Variants in KIF13A observed in about 807,000 individuals in gnomAD.
KIF13A encodes kinesin-like protein KIF13A.
In KIF13A, 79 loss-of-function variants were observed where a neutral mutation model predicts 212.2. The ratio of observed to expected loss-of-function variants is 0.37; its 90% CI spans 0.31 to 0.45. The LOEUF is 0.45. Among genes scored for constraint, KIF13A ranks in the 20% least tolerant of loss-of-function variants. The pLI is 1.00. For missense variants in KIF13A, 1,901 were observed against 2,209.0 expected (o/e 0.86, Z 2.79); for synonymous variants, 789 against 808.6 (o/e 0.98, Z 0.41).
At chr6:17,779,137 G>C in intron 32 of KIF13A, 38 bp from the exon 33 acceptor site, 1 of 1,582,398 alleles carries the variant, frequency 6.3e-7, no homozygotes, top group Non-Finnish European at 8.7e-7. Flanking sequence ...ACTTTGATGT[G>C]AACAACGTTT....
chr6:17,852,822 G>A (rs1384903738), intron 6 of KIF13A, among the ~76,000 whole-genome samples: 1 of 152,198 alleles, frequency 6.6e-6, no homozygotes, highest in Non-Finnish European at 1.5e-5. Flanking sequence ...TATACAGAAA[G>A]TGAGATTATA....
intron 2 of KIF13A, chr6:17,950,932 C>G (rs560230633): frequency 1.0e-6 from 1 of 977,338 alleles, no homozygotes; most frequent in South Asian, 4.7e-5. Context: ...TCTCTAATTA[C>G]TAAAGGACTT....
At position 17,764,189 on chromosome 6, in the gene KIF13A, G is replaced by A. The variant is rs1045600266; in HGVS notation, c.5339C>T (p.Pro1780Leu). 11 of 1,613,994 alleles carry A rather than the reference G, an allele frequency of 6.8e-6. No homozygotes were observed. In the African/African-American group the frequency reaches 1.3e-4, roughly 20 times the overall value. The change falls in exon 39 of 39, where the codon CCC (proline) becomes CTC (leucine). Residue 1780 changes from proline (P) to leucine (L), a missense_variant. Transcript: ENST00000259711. The surrounding 1 kb of genome is among the most constrained non-coding windows in gnomAD (Gnocchi z 5.1). The stretch of plus-strand genomic sequence containing the variant: ...CTCTAACTTGGAATGCAGCTGGCTG[G>A]GGTGGTGGAGCCCATCGGAGACAGT... ...GKTVSDGLHH[P>L]SQLHSKLEND...
chr6:17,771,092 C>A lies in KIF13A; in HGVS notation c.4581+22G>T. Reference sequence around the variant, plus strand: ...TTAAACCCACCACCAGGCAATATGACAGAAATGGTTCCGGAACTTACAATC... The same window carrying A: ...TTAAACCCACCACCAGGCAATATGAAAGAAATGGTTCCGGAACTTACAATC... On this transcript the variant is annotated intron_variant, in intron 38 of 38. Coordinates refer to ENST00000259711, the MANE Select transcript of KIF13A (RefSeq NM_022113.6). This position sits in a 1 kb window ranked among gnomAD's most constrained non-coding sequence, Gnocchi z 5.4. 2 of 1,534,634 alleles carry A rather than the reference C, an allele frequency of 1.3e-6. No homozygotes were observed. Among genetic ancestry groups the A allele is most frequent in the Non-Finnish European group, 1.8e-6 (2 of 1,113,358 alleles).
intron 2 of KIF13A, among the ~76,000 whole-genome samples, chr6:17,924,231 A>G (rs1280877335): frequency 6.6e-6 from 1 of 152,194 alleles, no homozygotes; most frequent in African/African-American, 2.4e-5. Flanking sequence ...AGCCACTTAC[A>G]CAGATTCCAG....
At chr6:17,928,406 T>C (rs2150531568) in intron 2 of KIF13A, among the ~76,000 whole-genome samples, 1 of 152,246 alleles carries the variant, frequency 6.6e-6, no homozygotes, top group East Asian at 1.9e-4. Flanking sequence ...CCTAAGGTGG[T>C]GGTGTCAGTG....
At chr6:17,923,533 T>C (rs1350978606) in intron 2 of KIF13A, among the ~76,000 whole-genome samples, 1 of 149,876 alleles carries the variant, frequency 6.7e-6, no homozygotes, top group East Asian at 1.9e-4. Context: ...TCCCTGGGTT[T>C]GGTTTTTTTT....
chr6:17,915,017 C>T lies in KIF13A; in HGVS notation c.147-16837G>A, dbSNP rs931776548. ...CTGATGGACTCATACATTTAACTAC[C>T]TGGTTTTGGTTTTATTTCCAAGATT... On this transcript the variant is annotated intron_variant, in intron 2 of 38. Coordinates refer to ENST00000259711, the MANE Select transcript of KIF13A (RefSeq NM_022113.6). This position sits in a 1 kb window ranked among gnomAD's most constrained non-coding sequence, Gnocchi z 4.4. 6.6e-6 allele frequency among the ~76,000 whole-genome samples: 1 copy of T among 152,144 alleles called. No homozygotes were observed. Among genetic ancestry groups the T allele is most frequent in the Non-Finnish European group, 1.5e-5 (1 of 68,028 alleles).
rs1279818515 is a variant in KIF13A, at chr6:17,849,290, G to C, written c.830+87C>G. Reference sequence around the variant, plus strand: ...AAGCTATACAGACTTTAAACAACCTGTACATCAGAACCATCTGACCCTCAT... The same window carrying C: ...AAGCTATACAGACTTTAAACAACCTCTACATCAGAACCATCTGACCCTCAT... On this transcript the variant is annotated intron_variant, in intron 9 of 38. Coordinates refer to ENST00000259711, the MANE Select transcript of KIF13A (RefSeq NM_022113.6). The surrounding 1 kb of genome is among the most constrained non-coding windows in gnomAD (Gnocchi z 5.7). 1 of 868,440 alleles carries C rather than the reference G, an allele frequency of 1.2e-6. No individual in the cohort carries two copies. The highest frequency in any genetic ancestry group is 1.8e-6 in the Non-Finnish European group (1 of 548,792). 53.8% of individuals were successfully genotyped at this position (868,440 alleles called of 1,614,324 possible). A position where few individuals can be genotyped will look rare whatever the true frequency, so the allele number is the denominator to read the frequency against.
chr6:17,771,759 C>T lies in KIF13A; in HGVS notation c.4476+149G>A. ...AGAGATTCTACCATGACTCTGCATG[C>T]TTGAGAAAGAGGAATTCGAGAACGG... On this transcript the variant is annotated intron_variant, in intron 37 of 38. Coordinates refer to ENST00000259711, the MANE Select transcript of KIF13A (RefSeq NM_022113.6). The surrounding 1 kb of genome is among the most constrained non-coding windows in gnomAD (Gnocchi z 5.4). 1 of 678,128 alleles carries T rather than the reference C, an allele frequency of 1.5e-6. No individual in the cohort carries two copies. Among genetic ancestry groups the T allele is most frequent in the East Asian group, 2.5e-5 (1 of 40,160 alleles). 42.0% of individuals were successfully genotyped at this position (678,128 alleles called of 1,614,324 possible).
chr6:17,981,877 A>T (rs1396790979), intron 2 of KIF13A, among the ~76,000 whole-genome samples: 1 of 152,136 alleles, frequency 6.6e-6, no homozygotes, highest in Non-Finnish European at 1.5e-5. Context: ...ATTATGTATG[A>T]CTTTCACTAA....
chr6:17,873,047 G>A (rs73371180), intron 4 of KIF13A, among the ~76,000 whole-genome samples: 1,642 of 152,250 alleles, frequency 0.011, 21 homozygotes, highest in African/African-American at 0.038. Flanking sequence ...TGGAACTAAA[G>A]CAATTGTGAC....
intron 2 of KIF13A, among the ~76,000 whole-genome samples, chr6:17,962,847 C>G (rs1395710925): frequency 6.6e-6 from 1 of 152,146 alleles, no homozygotes; most frequent in African/African-American, 2.4e-5. Context: ...AATTTTATTT[C>G]TCCAATTAGT....
At chr6:17,962,419 A>G (rs1298992274) in intron 2 of KIF13A, among the ~76,000 whole-genome samples, 2 of 152,350 alleles carry the variant, frequency 1.3e-5, no homozygotes, top group African/African-American at 2.4e-5. Flanking sequence ...GCAATAAGTC[A>G]TAAGGGAGAC....
At chr6:17,870,821 G>C (rs931889659) in intron 4 of KIF13A, among the ~76,000 whole-genome samples, 5 of 151,964 alleles carry the variant, frequency 3.3e-5, no homozygotes, top group African/African-American at 4.8e-5. Context: ...TTACCACCAT[G>C]GCTCTGTATC....
Position 17,785,699 on chromosome 6 carries a change from T to A in KIF13A, c.3362-58A>T. The A allele has an allele frequency of 6.4e-7, 1 of 1,558,412 alleles. No homozygotes were observed. Among genetic ancestry groups the A allele is most frequent in the Non-Finnish European group, 8.7e-7 (1 of 1,148,322 alleles). ...AAGAGAGAAAGTATGACTTCTCAGT[T>A]TACAAGGAATAGATTTCAGCCTGGG... On this transcript the variant is annotated intron_variant, in intron 27 of 38. Transcript: ENST00000259711. This position sits in a 1 kb window ranked among gnomAD's most constrained non-coding sequence, Gnocchi z 5.8.
At position 17,789,112 on chromosome 6, in the gene KIF13A, G is replaced by A. The variant is rs1021260839; in HGVS notation, c.3261+760C>T. 1.3e-5 allele frequency among the ~76,000 whole-genome samples: 2 copies of A among 152,190 alleles called. No individual in the cohort carries two copies. The highest frequency in any genetic ancestry group is 2.9e-5 in the Non-Finnish European group (2 of 68,032). On this transcript the variant is annotated intron_variant, in intron 26 of 38. Coordinates refer to ENST00000259711, the MANE Select transcript of KIF13A (RefSeq NM_022113.6). This position sits in a 1 kb window ranked among gnomAD's most constrained non-coding sequence, Gnocchi z 4.8. ...AGAATCCGTACAAAGACTGGGAACC[G>A]AACCCAGAAAGCTTCATCTTGGTTT...
At position 17,984,096 on chromosome 6, in the gene KIF13A, C is replaced by T. The variant is rs1030776616; in HGVS notation, c.146+2958G>A. Reference sequence around the variant, plus strand: ...AAAGAGAAGTAGGATAAGGTACCTACCTGCCTTCAAGCAGTTCACAGCCTC... The same window carrying T: ...AAAGAGAAGTAGGATAAGGTACCTATCTGCCTTCAAGCAGTTCACAGCCTC... On this transcript the variant is annotated intron_variant, in intron 2 of 38. Coordinates refer to ENST00000259711, the MANE Select transcript of KIF13A (RefSeq NM_022113.6). The surrounding 1 kb of genome is among the most constrained non-coding windows in gnomAD (Gnocchi z 5.0). 3.9e-5 allele frequency among the ~76,000 whole-genome samples: 6 copies of T among 152,164 alleles called. No individual in the cohort carries two copies. The highest frequency in any genetic ancestry group is 7.3e-5 in the Non-Finnish European group (5 of 68,040).
At chr6:17,833,014 CAAAAAAAAAAAAAA>C (rs61281213) in intron 12 of KIF13A, among the ~76,000 whole-genome samples, 34 of 75,376 alleles carry the variant, frequency 4.5e-4, no homozygotes, top group Admixed American at 8.0e-4. Context: ...ACTCTGTCTG[CAAAAAAAAAAAAAA>C]AAAAAAAAAA....
Sources: gnomAD v4.1 joint callset for allele counts (sites outside exome capture counted in the v4.1 genomes callset) on GRCh38, gnomAD v4.1.1 for gene constraint, Gnocchi (gnomAD v3.1) non-coding constraint, MANE v1.5 for transcripts, NCBI Gene and HGNC (gene_info 2026-07-23, HGNC 2026-07-21) for gene names.